Variants in MIS18A observed in about 807,000 individuals in gnomAD.
MIS18A encodes MIS18 kinetochore protein A, also known as protein Mis18-alpha.
MIS18A carries 14 observed loss-of-function variants against 25.0 expected under a neutral mutation model. The ratio of observed to expected loss-of-function variants is 0.56; its 90% CI spans 0.37 to 0.88. MIS18A has a LOEUF of 0.88. Among genes scored for constraint, MIS18A ranks in the 40% least tolerant of loss-of-function variants. The probability of loss-of-function intolerance (pLI) is 0.00; values close to 1 mark genes in which losing one functional copy is unlikely to be tolerated. For missense variants in MIS18A, 292 were observed against 290.8 expected (o/e 1.00, Z -0.03); for synonymous variants, 134 against 118.6 (o/e 1.13, Z -0.84).
At chr21:32,256,806 T>C in the MIS18A span, among the ~76,000 whole-genome samples, 1 of 152,166 alleles carries the variant, frequency 6.6e-6, no homozygotes, top group Non-Finnish European at 1.5e-5. Context: ...AGACTGATGA[T>C]CTGTGTATAT....
the MIS18A span, among the ~76,000 whole-genome samples, chr21:32,185,333 T>A: frequency 6.6e-6 from 1 of 152,158 alleles, no homozygotes; most frequent in Non-Finnish European, 1.5e-5. Flanking sequence ...CCCAGCATTT[T>A]TCTCTTCCCT....
the MIS18A span, among the ~76,000 whole-genome samples, chr21:32,187,855 C>T: frequency 6.6e-6 from 1 of 152,082 alleles, no homozygotes; most frequent in Non-Finnish European, 1.5e-5. Context: ...CCCCAAAATT[C>T]GTATGTGAAA....
At chr21:32,190,476 T>A in the MIS18A span, among the ~76,000 whole-genome samples, 3 of 152,222 alleles carry the variant, frequency 2.0e-5, no homozygotes, top group Non-Finnish European at 4.4e-5. Flanking sequence ...ATATGCCCAT[T>A]TACCCACAAA....
At chr21:32,259,314 G>A in the MIS18A span, among the ~76,000 whole-genome samples, 21 of 152,260 alleles carry the variant, frequency 1.4e-4, no homozygotes, top group Middle Eastern at 3.4e-3. Context: ...TCTCTGCCTC[G>A]CCTTGGCCTC....
chr21:32,205,796 C>T, the MIS18A span, among the ~76,000 whole-genome samples: 3 of 152,188 alleles, frequency 2.0e-5, no homozygotes, highest in African/African-American at 7.2e-5. Flanking sequence ...TTTCTACTCT[C>T]AGCTTGTTAA....
chr21:32,245,848 C>T, the MIS18A span, among the ~76,000 whole-genome samples: 1 of 152,152 alleles, frequency 6.6e-6, no homozygotes, highest in African/African-American at 2.4e-5. Context: ...TGTGTTAGGC[C>T]ATTCTTGCAT....
At chr21:32,160,726 G>A in the MIS18A span, among the ~76,000 whole-genome samples, 1 of 151,910 alleles carries the variant, frequency 6.6e-6, no homozygotes, top group African/African-American at 2.4e-5. Context: ...CCGCTTCCCG[G>A]GTTCAAGAGA....
the MIS18A span, among the ~76,000 whole-genome samples, chr21:32,205,723 C>T: frequency 6.6e-6 from 1 of 152,206 alleles, no homozygotes; most frequent in African/African-American, 2.4e-5. Context: ...CCTTCTCTGA[C>T]TGTCCCATTC....
At chr21:32,221,849 G>A in the MIS18A span, among the ~76,000 whole-genome samples, 1 of 151,722 alleles carries the variant, frequency 6.6e-6, no homozygotes, top group Non-Finnish European at 1.5e-5. Context: ...CCAAGATCAT[G>A]CCACTGCACT....
chr21:32,252,848 A>G, the MIS18A span, among the ~76,000 whole-genome samples: 1 of 152,222 alleles, frequency 6.6e-6, no homozygotes, highest in Non-Finnish European at 1.5e-5. Flanking sequence ...TAGGGATCCC[A>G]GAGAATGACT....
At chr21:32,195,181 C>T in the MIS18A span, among the ~76,000 whole-genome samples, 3 of 152,170 alleles carry the variant, frequency 2.0e-5, no homozygotes, top group East Asian at 5.8e-4. Flanking sequence ...CATGACTGTA[C>T]TTTTAACATG....
chr21:32,192,223 G>C, the MIS18A span, among the ~76,000 whole-genome samples: 1 of 152,172 alleles, frequency 6.6e-6, no homozygotes, highest in African/African-American at 2.4e-5. Context: ...GACAGGACAA[G>C]CAGTCTGGCA....
downstream of MIS18A, among the ~76,000 whole-genome samples, chr21:32,263,639 T>TA (rs959688556): frequency 1.5e-4 from 22 of 150,920 alleles, no homozygotes; most frequent in African/African-American, 4.4e-4. Flanking sequence ...TGGCTAACTT[T>TA]AAAAAAAAAT....
At chr21:32,229,621 A>G in the MIS18A span, among the ~76,000 whole-genome samples, 1 of 152,202 alleles carries the variant, frequency 6.6e-6, no homozygotes, top group African/African-American at 2.4e-5. Context: ...CCAAATACAG[A>G]ATCAACTCAG....
chr21:32,241,411 G>A, the MIS18A span, among the ~76,000 whole-genome samples: 1 of 151,350 alleles, frequency 6.6e-6, no homozygotes, highest in Non-Finnish European at 1.5e-5. Context: ...AGAGCCAACT[G>A]TCAAGGATGT....
intron 2 of MIS18A, among the ~76,000 whole-genome samples, chr21:32,274,412 C>T (rs2031772066): frequency 6.6e-6 from 1 of 151,918 alleles, no homozygotes; most frequent in African/African-American, 2.4e-5. Flanking sequence ...GCCATGTTGG[C>T]CAGGCTGGTC....
chr21:32,245,960 C>T, the MIS18A span, among the ~76,000 whole-genome samples: 2 of 152,170 alleles, frequency 1.3e-5, no homozygotes, highest in Non-Finnish European at 2.9e-5. Context: ...CTGGCATCTG[C>T]TCGGCTTCTG....
At chr21:32,242,806 C>T in the MIS18A span, among the ~76,000 whole-genome samples, 2 of 152,188 alleles carry the variant, frequency 1.3e-5, no homozygotes, top group Non-Finnish European at 2.9e-5. Flanking sequence ...AAGACTCAGA[C>T]ATGGTGGGGC....
chr21:32,232,350 C>T, the MIS18A span, among the ~76,000 whole-genome samples: 1 of 150,916 alleles, frequency 6.6e-6, no homozygotes, highest in African/African-American at 2.4e-5. Flanking sequence ...ATGTGCCTAC[C>T]ACAATATATG....
Sources: gnomAD v4.1 joint callset for allele counts (sites outside exome capture counted in the v4.1 genomes callset) on GRCh38, gnomAD v4.1.1 for gene constraint, MANE v1.5 for transcripts, NCBI Gene and HGNC (gene_info 2026-07-23, HGNC 2026-07-21) for gene names.